Variants in SLC26A5 observed in about 807,000 individuals in gnomAD.
SLC26A5 encodes the protein prestin.
In SLC26A5, 51 loss-of-function variants were observed where a neutral mutation model predicts 81.0. That is an observed-to-expected ratio of 0.63 (90% CI 0.50 to 0.80). The LOEUF is 0.80. Ranked by LOEUF, SLC26A5 falls within the 30% of genes least tolerant of loss-of-function variation. The probability of loss-of-function intolerance (pLI) is 0.00; values close to 1 mark genes in which losing one functional copy is unlikely to be tolerated. For synonymous variants in SLC26A5, 325 were observed against 332.8 expected (o/e 0.98, Z 0.25); for missense variants, 771 against 905.8 (o/e 0.85, Z 1.91).
chr7:103,399,930 A>G (rs1031302563), intron 8 of SLC26A5, among the ~76,000 whole-genome samples: 12 of 152,256 alleles, frequency 7.9e-5, no homozygotes, highest in African/African-American at 2.9e-4. Context: ...ATAGTATTCC[A>G]TGGTGTATAT....
At chr7:103,397,796 A>G in intron 9 of SLC26A5, 136 bp downstream of exon 9, 1 of 679,106 alleles carries the variant, frequency 1.5e-6, no homozygotes, top group South Asian at 1.7e-5. Flanking sequence ...AATGCACCCA[A>G]TCCCCCTAAA....
intron 1 of SLC26A5, chr7:103,445,063 G>C (rs910987292): frequency 2.0e-5 from 3 of 152,140 alleles, no homozygotes; most frequent in Non-Finnish European, 4.4e-5. Flanking sequence ...TTTCAGATAG[G>C]AAAAAGCTAA....
At chr7:103,393,568 TG>T (rs1197356325) in intron 9 of SLC26A5, among the ~76,000 whole-genome samples, 2 of 1,018 alleles carry the variant, frequency 2.0e-3, no homozygotes, top group East Asian at 0.017. Flanking sequence ...TACCTCTTCC[TG>T]TGTGTGTGTG....
intron 2 of SLC26A5, among the ~76,000 whole-genome samples, chr7:103,435,759 G>T (rs953669730): frequency 6.6e-6 from 1 of 152,050 alleles, no homozygotes; most frequent in African/African-American, 2.4e-5. Flanking sequence ...CTCCGAGGGT[G>T]GTCCTTTTTG....
chr7:103,442,095 TG>T (rs2116875232), intron 2 of SLC26A5, among the ~76,000 whole-genome samples: 1 of 152,302 alleles, frequency 6.6e-6, no homozygotes, highest in East Asian at 1.9e-4. Context: ...TAAAGATGCC[TG>T]GGCCTATGCC....
At chr7:103,407,154 A>C (rs1824123091) in intron 8 of SLC26A5, among the ~76,000 whole-genome samples, 1 of 152,182 alleles carries the variant, frequency 6.6e-6, no homozygotes, top group Non-Finnish European at 1.5e-5. Context: ...TATCTTTGCA[A>C]AGCTGGGTGT....
intron 14 of SLC26A5, 92 bp downstream of exon 14, chr7:103,388,916 C>CACT: frequency 1.1e-6 from 1 of 878,906 alleles, no homozygotes; most frequent in South Asian, 1.4e-5. Flanking sequence ...CAAAGGGCTC[C>CACT]ACTTCTACCA....
chr7:103,425,152 C>T (rs142935862), intron 2 of SLC26A5, among the ~76,000 whole-genome samples: 3 of 152,276 alleles, frequency 2.0e-5, no homozygotes, highest in Non-Finnish European at 4.4e-5. Context: ...CTTACCACTC[C>T]CTTATTTCTC....
intron 8 of SLC26A5, among the ~76,000 whole-genome samples, chr7:103,406,497 T>A (rs1187418106): frequency 6.6e-6 from 1 of 152,174 alleles, no homozygotes; most frequent in Non-Finnish European, 1.5e-5. Flanking sequence ...CAGCTTGCCC[T>A]CTGTGGGCTG....
chr7:103,420,590 A>G (rs1825269841), intron 4 of SLC26A5, 148 bp downstream of exon 4: 3 of 1,130,962 alleles, frequency 2.7e-6, no homozygotes, highest in Non-Finnish European at 3.8e-6. Flanking sequence ...TTTAAGGATT[A>G]CATGTTTCTG....
At chr7:103,369,236 A>G (rs1339164913), downstream of SLC26A5, 1 of 152,248 alleles carries the variant, frequency 6.6e-6, no homozygotes, top group Non-Finnish European at 1.5e-5. Flanking sequence ...ACTTGATCAG[A>G]AAAATTCATC....
rs765932940 is a variant in SLC26A5 at position 103,365,951 on chromosome 7, G to A, written c.2041+10857C>T. 8.0e-6 allele frequency: 6 copies of A among 748,916 alleles called. No individual in the cohort carries two copies. In the African/African-American group the frequency reaches 9.0e-5, roughly 11 times the overall value. 46.4% of individuals were successfully genotyped at this position (748,916 alleles called of 1,614,324 possible). On this transcript the variant is annotated intron_variant, in intron 19 of 19. Transcript: ENST00000339444. ...TCAAAAAAATAAAAAAATAAAAAAC[G>A]TTTAGGTAATAATGGGTGAGAATAC...
At chr7:103,401,043 G>A (rs1638782049) in intron 8 of SLC26A5, among the ~76,000 whole-genome samples, 1 of 152,170 alleles carries the variant, frequency 6.6e-6, no homozygotes, top group African/African-American at 2.4e-5. Flanking sequence ...TGGCTATGCG[G>A]GCCCTTTTTT....
Position 103,430,358 on chromosome 7 carries a change from C to T in SLC26A5, c.-53-8791G>A, listed in dbSNP as rs150817608. Among the ~76,000 whole-genome samples the T allele has an allele frequency of 5.4e-3, 820 of 152,288 alleles. 16 individuals are homozygous for T. The highest frequency in any genetic ancestry group is 0.038 in the Admixed American group (588 of 15,296). ...CCTCCCAAAGTGCTGGGATTACAGG[C>T]GTGAGCCAACGCGCCCAGCCAGAAC... On this transcript the variant is annotated intron_variant, in intron 2 of 19. Transcript: ENST00000306312.
Position 103,367,262 on chromosome 7 carries a change from A to G in SLC26A5, c.2041+9546T>C. 1 of 637,600 alleles carries G rather than the reference A, an allele frequency of 1.6e-6. No homozygotes were observed. Among genetic ancestry groups the G allele is most frequent in the Non-Finnish European group, 2.8e-6 (1 of 359,944 alleles). The allele number at this position is 637,600 out of a possible 1,614,324, so 39.5% of individuals were successfully genotyped here. ...TCACTTTCTAATTAGTTTTATATAA[A>G]GCAAGCTGTTCTTACAGGATTTGCT... is the stretch of plus-strand genomic sequence containing the variant. On this transcript the variant is annotated intron_variant, in intron 19 of 19. Coordinates refer to the SLC26A5 transcript ENST00000339444. The surrounding 1 kb of genome is among the most constrained non-coding windows in gnomAD (Gnocchi z 6.1).
intron 4 of SLC26A5, among the ~76,000 whole-genome samples, chr7:103,419,041 G>A (rs898534315): frequency 1.3e-5 from 2 of 152,122 alleles, no homozygotes; most frequent in Non-Finnish European, 2.9e-5. Flanking sequence ...TATGTCTCAC[G>A]AGATCTGATG....
intron 19 of SLC26A5, 96 bp downstream of exon 19, chr7:103,376,712 A>G (rs1358234534): frequency 2.6e-5 from 24 of 931,366 alleles, no homozygotes; most frequent in Non-Finnish European, 4.0e-5. Context: ...TTTTTATAAA[A>G]TAATTAAAAT....
chr7:103,383,849 A>T (rs184774884), intron 14 of SLC26A5, among the ~76,000 whole-genome samples: 272 of 152,200 alleles, frequency 1.8e-3, no homozygotes, highest in African/African-American at 6.4e-3. Flanking sequence ...CAACTAAAAA[A>T]TTTTGTAGGT....
rs1441271564 is a variant in SLC26A5 at position 103,379,265 on chromosome 7, T to C, written c.1655A>G (p.Tyr552Cys). Residue 552 changes from tyrosine (Y) to cysteine (C), a missense_variant, in exon 16 of 20, where the codon TAT (tyrosine) becomes TGT (cysteine). Coordinates refer to ENST00000306312, the MANE Select transcript of SLC26A5 (RefSeq NM_198999.3). ...APIYYANSDLYSNALKRKTGV... is the reference protein window; with the variant it reads ...APIYYANSDLCSNALKRKTGV... ...CACCTTTCGTTTTAATGCATTGCTA[T>C]ACAAGTCGCTATTTGCATAGTAAAT... 2.5e-6 allele frequency: 4 copies of C among 1,610,882 alleles called. No individual in the cohort carries two copies. The highest frequency in any genetic ancestry group is 3.4e-6 in the Non-Finnish European group (4 of 1,177,330).
Sources: allele counts gnomAD v4.1 joint callset (sites outside exome capture counted in the v4.1 genomes callset), GRCh38; gene constraint gnomAD v4.1.1; non-coding constraint Gnocchi (gnomAD v3.1); transcripts MANE v1.5; gene names NCBI Gene and HGNC (gene_info 2026-07-23, HGNC 2026-07-21).